LRIG2: variants seen among roughly 807,000 people sequenced by gnomAD.
LRIG2 encodes leucine rich repeats and immunoglobulin like domains 2.
Under a neutral mutation model 107.8 loss-of-function variants are expected in LRIG2, and 93 were observed. That is an observed-to-expected ratio of 0.86 (90% CI 0.73 to 1.03). The LOEUF is 1.03. Among genes scored for constraint, LRIG2 ranks in the 50% least tolerant of loss-of-function variants. The probability of loss-of-function intolerance (pLI) is 0.00; values close to 1 mark genes in which losing one functional copy is unlikely to be tolerated. For missense variants in LRIG2, 1,226 were observed against 1,296.0 expected, an observed-to-expected ratio of 0.95 and a Z score of 0.83; for synonymous variants, 471 against 470.6, an observed-to-expected ratio of 1.00 and a Z score of -0.01.
At position 113,124,390 on chromosome 1, in the gene LRIG2, A is replaced by C. The variant is rs1570781949; in HGVS notation, c.*289A>C. On this transcript the variant is annotated 3_prime_UTR_variant, in exon 18 of 18. Transcript: ENST00000361127. ...TCCATGGGGATGTGCCCTGGTGTGC[A>C]TCTGCTTGTCAGGAAGAGTCACATT... The C allele has an allele frequency of 2.2e-6, 1 of 450,120 alleles. No individual in the cohort carries two copies. The highest frequency in any genetic ancestry group is 4.3e-5 in the East Asian group (1 of 23,130). 27.9% of individuals were successfully genotyped at this position (450,120 alleles called of 1,614,324 possible).
intron 9 of LRIG2, 96 bp from the exon 10 acceptor site, chr1:113,100,115 A>G (rs1654242539): frequency 7.8e-6 from 5 of 640,368 alleles, no homozygotes. Context: ...ATAAAAAAGT[A>G]CGCTACGCTT....
intron 1 of LRIG2, among the ~76,000 whole-genome samples, chr1:113,078,574 A>G (rs1439772079): frequency 1.3e-5 from 2 of 151,662 alleles, no homozygotes; most frequent in Non-Finnish European, 2.9e-5. Context: ...CAAAAACTTC[A>G]TAGCTTTACC....
intron 17 of LRIG2, among the ~76,000 whole-genome samples, chr1:113,123,404 G>T (rs1444745062): frequency 6.6e-6 from 1 of 152,070 alleles, no homozygotes; most frequent in African/African-American, 2.4e-5. Flanking sequence ...TGAAACTCCT[G>T]TCTCTACTAA....
At position 113,094,433 on chromosome 1, in the gene LRIG2, A is replaced by T; in HGVS notation, c.610A>T (p.Met204Leu). The part of the protein sequence containing the change: ...LLVVKLNRNR[M>L]SMIPPKIFKL... Reference sequence around the variant, plus strand: ...AGTGGTAAAGTTAAACCGTAACCGAATGAGCATGATTCCACCTAAGATCTT... The same window carrying T: ...AGTGGTAAAGTTAAACCGTAACCGATTGAGCATGATTCCACCTAAGATCTT... Residue 204 changes from methionine to leucine, a missense_variant, in exon 5 of 18, where the codon ATG (methionine) becomes TTG (leucine). This residue lies in a region of LRIG2 where 570 missense variants were observed against 550.2 expected (regional missense o/e 1.04). Coordinates refer to ENST00000361127, the MANE Select transcript of LRIG2 (RefSeq NM_014813.3). The T allele has an allele frequency of 6.2e-7, 1 of 1,613,240 alleles. No homozygotes were observed. Among genetic ancestry groups the T allele is most frequent in the Non-Finnish European group, 8.5e-7 (1 of 1,179,850 alleles).
At chr1:113,123,728 TG>T (rs780385814) in intron 17 of LRIG2, 146 bp from the exon 18 acceptor site, 68,332 of 357,428 alleles carry the variant, frequency 0.19, 146 homozygotes, top group East Asian at 0.29. Flanking sequence ...TGGTGGTTTT[TG>T]TGTGTGTGTG....
chr1:113,104,621 A>G (rs1453736748), intron 11 of LRIG2, among the ~76,000 whole-genome samples: 2 of 151,692 alleles, frequency 1.3e-5, no homozygotes, highest in Non-Finnish European at 2.9e-5. Context: ...GGGTTCAAGC[A>G]GTTCTGCCTC....
intron 9 of LRIG2, 27 bp downstream of exon 9, chr1:113,098,812 C>T: frequency 7.6e-7 from 1 of 1,307,948 alleles, no homozygotes; most frequent in African/African-American, 1.5e-5. Context: ...TTATGTATGT[C>T]TACATAGGCA....
Position 113,100,446 on chromosome 1 carries a change from C to A in LRIG2, c.1271C>A (p.Ser424Tyr). The change falls in exon 11 of 18, where the codon TCT becomes TAT. Residue 424 changes from serine (S) to tyrosine (Y), a missense_variant. Ser to Tyr is a moderately radical substitution (Grantham distance 144, BLOSUM62 -2). Coordinates refer to ENST00000361127, the MANE Select transcript of LRIG2 (RefSeq NM_014813.3). ...GATTTGAACAATAATGCTATAATGT[C>A]TATCCAAGAAAATGCTTTTTCTCAG... is the stretch of plus-strand genomic sequence containing the variant. ...HLDLNNNAIM[S>Y]IQENAFSQTH... 1 of 1,540,156 alleles carries A rather than the reference C, an allele frequency of 6.5e-7. No individual in the cohort carries two copies. Among genetic ancestry groups the A allele is most frequent in the South Asian group, 1.1e-5 (1 of 87,942 alleles).
At chr1:113,100,186 T>C (rs1183254050) in intron 9 of LRIG2, 25 bp from the exon 10 acceptor site, 2 of 1,423,102 alleles carry the variant, frequency 1.4e-6, no homozygotes, top group East Asian at 2.3e-5. Flanking sequence ...GAGAGCTTTC[T>C]TAGAAAGATC....
At chr1:113,104,760 A>G (rs1020328493) in intron 11 of LRIG2, among the ~76,000 whole-genome samples, 6 of 152,190 alleles carry the variant, frequency 3.9e-5, no homozygotes, top group African/African-American at 1.2e-4. Flanking sequence ...GACTCAAAAG[A>G]CCTGGGCCCA....
intron 15 of LRIG2, 108 bp downstream of exon 15, chr1:113,114,984 C>A: frequency 1.1e-6 from 1 of 943,054 alleles, no homozygotes; most frequent in Non-Finnish European, 1.6e-6. Context: ...TAGCACATGC[C>A]TGTACTCCCA....
At chr1:113,123,195 G>T (rs1342086284) in intron 17 of LRIG2, among the ~76,000 whole-genome samples, 1 of 152,176 alleles carries the variant, frequency 6.6e-6, no homozygotes, top group East Asian at 1.9e-4. Flanking sequence ...CTGAATCAAT[G>T]ATTATTACCT....
Position 113,128,584 on chromosome 1 carries a change from C to T in LRIG2, c.*4483C>T, listed in dbSNP as rs528560240. 19 of 152,220 alleles carry T rather than the reference C, an allele frequency of 1.2e-4. No individual in the cohort carries two copies. The highest frequency in any genetic ancestry group is 5.8e-4 in the East Asian group (3 of 5,178). 9.4% of individuals were successfully genotyped at this position (152,220 alleles called of 1,614,324 possible). On this transcript the variant is annotated 3_prime_UTR_variant, in exon 18 of 18. Coordinates refer to ENST00000361127, the MANE Select transcript of LRIG2 (RefSeq NM_014813.3). Reference sequence around the variant, plus strand: ...AAAAGCTGCTTTGGTGACATTTGTTCGAGTAGAACAAGAGTGATGCTGCTC... The same window carrying T: ...AAAAGCTGCTTTGGTGACATTTGTTTGAGTAGAACAAGAGTGATGCTGCTC...
chr1:113,080,017 G>A (rs1351093038), intron 1 of LRIG2, among the ~76,000 whole-genome samples: 3 of 83,428 alleles, frequency 3.6e-5, no homozygotes, highest in Non-Finnish European at 7.1e-5. Context: ...CGCCTGGCCC[G>A]AATTTTTTTT....
At chr1:113,120,285 A>G (rs528596605) in intron 17 of LRIG2, among the ~76,000 whole-genome samples, 2 of 151,668 alleles carry the variant, frequency 1.3e-5, no homozygotes, top group African/African-American at 4.8e-5. Flanking sequence ...CCCTGTCTCC[A>G]CTAAAAATAC....
chr1:113,120,172 G>A (rs1001482694), intron 17 of LRIG2, among the ~76,000 whole-genome samples: 2 of 151,926 alleles, frequency 1.3e-5, no homozygotes, highest in South Asian at 2.1e-4. Flanking sequence ...ATGGGGGGCC[G>A]GGCACAGTGG....
At chr1:113,098,834 A>C in intron 9 of LRIG2, 49 bp downstream of exon 9, 1 of 1,121,856 alleles carries the variant, frequency 8.9e-7, no homozygotes, top group Non-Finnish European at 1.4e-6. Context: ...GTTTTCAAGA[A>C]CCGGCTGTAA....
chr1:113,118,003 T>G (rs1655089379), intron 16 of LRIG2, among the ~76,000 whole-genome samples: 2 of 151,978 alleles, frequency 1.3e-5, no homozygotes, highest in Non-Finnish European at 2.9e-5. Flanking sequence ...CACTGTAACC[T>G]TTGCCTCCCC....
At chr1:113,118,960 G>C (rs543781356) in intron 16 of LRIG2, among the ~76,000 whole-genome samples, 1 of 152,156 alleles carries the variant, frequency 6.6e-6, no homozygotes, top group African/African-American at 2.4e-5. Flanking sequence ...CACCGCACCC[G>C]GTAGCGGTAT....
Sources: allele counts gnomAD v4.1 joint callset (sites outside exome capture counted in the v4.1 genomes callset), GRCh38; gene constraint gnomAD v4.1.1; regional missense constraint gnomAD v4.1.1; transcripts MANE v1.5; gene names NCBI Gene and HGNC (gene_info 2026-07-23, HGNC 2026-07-21).